Variants in IGF2R observed in about 807,000 individuals in gnomAD.
IGF2R encodes cation-independent mannose-6-phosphate receptor.
Under a neutral mutation model 270.6 loss-of-function variants are expected in IGF2R, and 91 were observed. The observed-to-expected ratio is 0.34, with a 90% CI of 0.28 to 0.40. IGF2R has a LOEUF of 0.40. IGF2R is among the 10% of genes least tolerant of loss of function. The probability of loss-of-function intolerance (pLI) is 1.00; values close to 1 mark genes in which losing one functional copy is unlikely to be tolerated. For missense variants in IGF2R, 2,805 were observed against 3,188.3 expected, an observed-to-expected ratio of 0.88 and a Z score of 2.90; for synonymous variants, 1,316 against 1,258.9, an observed-to-expected ratio of 1.05 and a Z score of -0.96.
Position 160,040,583 on chromosome 6 carries a change from G to A in IGF2R, c.1339G>A (p.Val447Ile). The A allele has an allele frequency of 3.7e-6, 6 of 1,614,178 alleles. No homozygotes were observed. The highest frequency in any genetic ancestry group is 5.1e-6 in the Non-Finnish European group (6 of 1,180,010). Residue 447 changes from valine to isoleucine, a missense_variant, in exon 11 of 48, where the codon GTA (valine) becomes ATA (isoleucine). Transcript: ENST00000356956. The part of the protein sequence containing the change: ...TAGNDGKGTP[V>I]FTGEVDCTYF... ...AGGTAACGATGGGAAAGGAACTCCT[G>A]TATTCACAGGGGAGGTTGACTGCAC... is the stretch of plus-strand genomic sequence containing the variant.
intron 8 of IGF2R, 89 bp from the exon 9 acceptor site, chr6:160,032,853 A>G: frequency 2.2e-6 from 3 of 1,390,138 alleles, no homozygotes; most frequent in Non-Finnish European, 3.0e-6. Context: ...TTTCAGAAAT[A>G]GGATTCAGGT....
At chr6:160,055,169 G>A (rs1310785747) in intron 19 of IGF2R, among the ~76,000 whole-genome samples, 1 of 152,136 alleles carries the variant, frequency 6.6e-6, no homozygotes, top group Non-Finnish European at 1.5e-5. Flanking sequence ...GAAGGATCCA[G>A]GTTTGGTGTT....
Position 160,076,078 on chromosome 6 carries a change from G to A in IGF2R, c.5316+82G>A, listed in dbSNP as rs8191892. On this transcript the variant is annotated intron_variant, in intron 36 of 47. Coordinates refer to ENST00000356956, the MANE Select transcript of IGF2R (RefSeq NM_000876.4). ...TAGACAACCAGAAAGTGCGTGTCAG[G>A]TCCAAGGATACTCTTATTCAAAATG... The A allele has an allele frequency of 2.9e-4, 388 of 1,319,424 alleles. No individual in the cohort carries two copies. The African/African-American group carries it at 4.3e-3, about 15-fold the overall frequency. 81.7% of individuals were successfully genotyped at this position (1,319,424 alleles called of 1,614,324 possible).
rs375159841 is a variant in IGF2R, at chr6:160,063,491, C to T, written c.3747C>T (p.Ile1249=). 8 of 1,613,884 alleles carry T rather than the reference C, an allele frequency of 5.0e-6. No individual in the cohort carries two copies. The highest frequency in any genetic ancestry group is 2.2e-5 in the South Asian group (2 of 91,074). ...DLKPLGLNDT[I]VSAGEYTYYF... ...AGCCCCTGGGCCTCAACGACACCAT[C>T]GTGAGCGCTGGCGAATACACTTATT... Residue 1249 remains isoleucine, a synonymous_variant, in exon 27 of 48, where the codon ATC becomes ATT. Transcript: ENST00000356956.
chr6:159,988,512 CAAAAAAAAAAAAAA>C (rs59531292), intron 1 of IGF2R, among the ~76,000 whole-genome samples: 3 of 50,480 alleles, frequency 5.9e-5, no homozygotes, highest in African/African-American at 7.9e-5. Context: ...GACTCCGTCT[CAAAAAAAAAAAAAA>C]AAAAAAAAAA....
chr6:160,058,233 G>A (rs1417563867), intron 21 of IGF2R, 109 bp downstream of exon 21: 8 of 726,104 alleles, frequency 1.1e-5, no homozygotes, highest in African/African-American at 3.5e-5. Context: ...CCACTGTGGT[G>A]GCAGCTCTTA....
At chr6:160,071,487 T>C (rs1192185490) in intron 31 of IGF2R, among the ~76,000 whole-genome samples, 2 of 152,206 alleles carry the variant, frequency 1.3e-5, no homozygotes, top group Non-Finnish European at 2.9e-5. Flanking sequence ...ATGCGTGGAA[T>C]GGGCTAGTTC....
rs1778630807 is a variant in IGF2R at position 160,068,141 on chromosome 6, T to C, written c.4116-108T>C. 5 of 1,234,616 alleles carry C rather than the reference T, an allele frequency of 4.0e-6. No homozygotes were observed. The South Asian group carries it at 7.0e-5, about 17-fold the overall frequency. The allele number at this position is 1,234,616 out of a possible 1,614,324, so 76.5% of individuals were successfully genotyped here. ...CAGAGAGAAGTCGAGTCTAAAGTTC[T>C]GTCAGGCTTAGACTATGCCTGAATA... On this transcript the variant is annotated intron_variant, in intron 29 of 47. Transcript: ENST00000356956.
rs116511442 is a variant in IGF2R at position 160,031,198 on chromosome 6, A to C, written c.883-1353A>C. 4.2e-3 allele frequency among the ~76,000 whole-genome samples: 633 copies of C among 152,240 alleles called. 3 individuals are homozygous for C. The highest frequency in any genetic ancestry group is 0.014 in the African/African-American group (581 of 41,528). ...CAGACCTTGTGTGACATGTGCTTGGACACTGTAATACTTGGGAGGTTTGTT... is the reference window on the plus strand; with the variant it reads ...CAGACCTTGTGTGACATGTGCTTGGCCACTGTAATACTTGGGAGGTTTGTT... On this transcript the variant is annotated intron_variant, in intron 7 of 47. Coordinates refer to ENST00000356956, the MANE Select transcript of IGF2R (RefSeq NM_000876.4).
chr6:159,992,807 C>A (rs1405697674), intron 2 of IGF2R, among the ~76,000 whole-genome samples: 1 of 152,140 alleles, frequency 6.6e-6, no homozygotes, highest in African/African-American at 2.4e-5. Context: ...AATGGTAGTT[C>A]TATTTTTAGT....
rs916660083 is a variant in IGF2R, at chr6:160,073,590, C to T, written c.4947+121C>T. 11 of 1,237,788 alleles carry T rather than the reference C, an allele frequency of 8.9e-6. No individual in the cohort carries two copies. In the East Asian group the frequency reaches 2.5e-4, roughly 28 times the overall value. 76.7% of individuals were successfully genotyped at this position (1,237,788 alleles called of 1,614,324 possible). On this transcript the variant is annotated intron_variant, in intron 34 of 47. Coordinates refer to ENST00000356956, the MANE Select transcript of IGF2R (RefSeq NM_000876.4). Reference sequence around the variant, plus strand: ...AGCTGAACTGTCCACTCCTGATCACCCCAATAATAAAGTTGACTGGAAGTG... The same window carrying T: ...AGCTGAACTGTCCACTCCTGATCACTCCAATAATAAAGTTGACTGGAAGTG...
chr6:160,044,327 G>A (rs573623934), intron 12 of IGF2R, among the ~76,000 whole-genome samples, 187 bp from the exon 13 acceptor site: 5 of 152,316 alleles, frequency 3.3e-5, no homozygotes, highest in African/African-American at 1.2e-4. Flanking sequence ...AGCCAAACGT[G>A]GCACTCTAGG....
chr6:160,074,109 G>A, intron 35 of IGF2R, 134 bp downstream of exon 35: 1 of 649,224 alleles, frequency 1.5e-6, no homozygotes, highest in Non-Finnish European at 2.7e-6. Context: ...GACTGTGTAT[G>A]TTCTGGGTCC....
Position 160,096,493 on chromosome 6 carries a change from C to T in IGF2R, c.6710C>T (p.Thr2237Ile). The T allele has an allele frequency of 6.2e-7, 1 of 1,614,128 alleles. No individual in the cohort carries two copies. The highest frequency in any genetic ancestry group is 1.7e-5 in the Admixed American group (1 of 60,018). The stretch of plus-strand genomic sequence containing the variant: ...TCCTCTAAGTGCGGAAAGGATAAGA[C>T]CAAGTCTGTTTCTTCCACCATCTTC... ...ASSSKCGKDK[T>I]KSVSSTIFFH... Residue 2237 changes from threonine to isoleucine, a missense_variant, in exon 45 of 48, where the codon ACC becomes ATC. Physicochemically the swap from Thr to Ile is moderately conservative, Grantham distance 89. Transcript: ENST00000356956.
At chr6:160,034,377 G>C (rs1329978855) in intron 9 of IGF2R, 42 bp from the exon 10 acceptor site, 3 of 1,315,426 alleles carry the variant, frequency 2.3e-6, no homozygotes, top group South Asian at 1.2e-5. Context: ...TTTTTTCTTG[G>C]TTCTCCCAAA....
At chr6:159,973,004 G>T (rs571488935) in intron 1 of IGF2R, among the ~76,000 whole-genome samples, 139 of 152,342 alleles carry the variant, frequency 9.1e-4, no homozygotes, top group African/African-American at 3.1e-3. Context: ...TTCTTGGGAG[G>T]TGATATTGCT....
Position 160,067,640 on chromosome 6 carries a change from G to A in IGF2R, c.4116-609G>A, listed in dbSNP as rs142450979. 4.6e-3 allele frequency among the ~76,000 whole-genome samples: 695 copies of A among 152,290 alleles called. 3 individuals carry two copies. The highest frequency in any genetic ancestry group is 0.014 in the African/African-American group (595 of 41,540). ...TGAGGTGGCATCTGTAGCTGCTCCC[G>A]TTCCTGCTCCGTGGTGGCAGAGTGT... On this transcript the variant is annotated intron_variant, in intron 29 of 47. Coordinates refer to ENST00000356956, the MANE Select transcript of IGF2R (RefSeq NM_000876.4).
At chr6:159,995,895 C>CTTTTTTTTTTTTTTTTTT (rs35974914) in intron 2 of IGF2R, among the ~76,000 whole-genome samples, 1 of 98,770 alleles carries the variant, frequency 1.0e-5, no homozygotes. Flanking sequence ...TTGCAGCGCT[C>CTTTTTTTTTTTTTTTTTT]TTTTTTTTTT....
intron 29 of IGF2R, among the ~76,000 whole-genome samples, chr6:160,065,806 GTGTGTGTGTA>G (rs1411998107): frequency 3.5e-5 from 2 of 57,546 alleles, no homozygotes; most frequent in East Asian, 3.7e-4. Flanking sequence ...GTGTGTGTGT[GTGTGTGTGTA>G]TATATATATA....
Sources: allele counts gnomAD v4.1 joint callset (sites outside exome capture counted in the v4.1 genomes callset), GRCh38; gene constraint gnomAD v4.1.1; transcripts MANE v1.5; gene names NCBI Gene and HGNC (gene_info 2026-07-23, HGNC 2026-07-21).